AGBL4: variants seen among roughly 807,000 people sequenced by gnomAD.
AGBL4 encodes cytosolic carboxypeptidase 6.
A neutral mutation model predicts 66.4 loss-of-function variants in AGBL4; 58 were observed. That is an observed-to-expected ratio of 0.87 (90% CI 0.71 to 1.09). The LOEUF (loss-of-function observed/expected upper bound fraction) is 1.09, where lower values mean the gene tolerates loss of function less well. Ranked by LOEUF, AGBL4 falls within the 50% of genes least tolerant of loss-of-function variation. The pLI, the probability that AGBL4 is intolerant of heterozygous loss-of-function variation, is 0.00. For missense variants in AGBL4, 579 were observed against 631.0 expected, an observed-to-expected ratio of 0.92 and a Z score of 0.88; for synonymous variants, 234 against 222.9, an observed-to-expected ratio of 1.05 and a Z score of -0.44.
At chr1:48,621,066 C>G (rs1052319470) in intron 9 of AGBL4, among the ~76,000 whole-genome samples, 1 of 152,036 alleles carries the variant, frequency 6.6e-6, no homozygotes, top group South Asian at 2.1e-4. Context: ...CTTAGCTGAC[C>G]GAGAGGGATC....
rs564578319 is a variant in AGBL4, at chr1:49,299,260, C to A, written c.283-53396G>T. On this transcript the variant is annotated intron_variant, in intron 3 of 13. Transcript: ENST00000371839. The stretch of plus-strand genomic sequence containing the variant: ...AACAATTTTTCTGAAATGGATCTTA[C>A]TTTCCCCCCTGTACAGATGAGGAAA... Among the ~76,000 whole-genome samples the A allele has an allele frequency of 3.9e-5, 6 of 152,252 alleles. No individual in the cohort carries two copies. In the East Asian group the frequency reaches 1.2e-3, roughly 29 times the overall value.
At chr1:49,534,143 C>T (rs567234531) in intron 3 of AGBL4, among the ~76,000 whole-genome samples, 4 of 133,476 alleles carry the variant, frequency 3.0e-5, no homozygotes, top group Non-Finnish European at 6.1e-5. Flanking sequence ...CACAAAAGCC[C>T]CATGAAGCAG....
chr1:49,792,957 A>C (rs1170832576), intron 2 of AGBL4, among the ~76,000 whole-genome samples: 1 of 152,076 alleles, frequency 6.6e-6, no homozygotes, highest in Non-Finnish European at 1.5e-5. Context: ...TGCATTTCAT[A>C]TGGTTAGACT....
At chr1:49,074,787 A>C (rs1644678688) in intron 4 of AGBL4, among the ~76,000 whole-genome samples, 1 of 152,190 alleles carries the variant, frequency 6.6e-6, no homozygotes, top group African/African-American at 2.4e-5. Context: ...ACATCTCATT[A>C]CTAGTCTGGG....
chr1:49,031,060 C>T (rs949006278), intron 5 of AGBL4, among the ~76,000 whole-genome samples: 2 of 151,860 alleles, frequency 1.3e-5, no homozygotes, highest in Admixed American at 6.6e-5. Flanking sequence ...AAATGTATTA[C>T]ATATTTCAAA....
chr1:48,867,133 C>G, intron 6 of AGBL4, 58 bp downstream of exon 6: 1 of 1,574,542 alleles, frequency 6.4e-7, no homozygotes, highest in South Asian at 1.1e-5. Context: ...GGATAGGCAA[C>G]AAGGCATCAT....
chr1:49,569,167 A>AT (rs1190307511), intron 3 of AGBL4, among the ~76,000 whole-genome samples: 1 of 152,082 alleles, frequency 6.6e-6, no homozygotes, highest in Non-Finnish European at 1.5e-5. Context: ...TTTGAGGGAT[A>AT]TAAAAATCAA....
intron 3 of AGBL4, among the ~76,000 whole-genome samples, chr1:49,515,180 G>C (rs576334343): frequency 2.7e-4 from 41 of 151,878 alleles, no homozygotes; most frequent in East Asian, 1.4e-3. Flanking sequence ...TGAACTCAAA[G>C]AAATTTACAA....
chr1:49,127,466 A>G (rs1412482618), intron 4 of AGBL4, among the ~76,000 whole-genome samples: 2 of 152,060 alleles, frequency 1.3e-5, no homozygotes, highest in Non-Finnish European at 2.9e-5. Context: ...TAAATGGCCA[A>G]TTGGGGTCTG....
At chr1:48,909,175 G>A (rs1443841835) in intron 5 of AGBL4, among the ~76,000 whole-genome samples, 2 of 152,058 alleles carry the variant, frequency 1.3e-5, no homozygotes, top group Non-Finnish European at 2.9e-5. Context: ...GGTATCATAG[G>A]GTTGAAGATA....
chr1:48,903,208 A>C (rs1345582998), intron 5 of AGBL4, among the ~76,000 whole-genome samples: 1 of 151,934 alleles, frequency 6.6e-6, no homozygotes, highest in Non-Finnish European at 1.5e-5. Context: ...TTTCTCTTTC[A>C]TCTCTATACA....
chr1:49,655,874 C>G (rs183292136), intron 3 of AGBL4, among the ~76,000 whole-genome samples: 1 of 152,214 alleles, frequency 6.6e-6, no homozygotes, highest in East Asian at 1.9e-4. Context: ...GGGTGCTGGG[C>G]GTGGTGGCTA....
At chr1:48,717,221 C>G (rs1040220380) in intron 6 of AGBL4, among the ~76,000 whole-genome samples, 2 of 152,148 alleles carry the variant, frequency 1.3e-5, no homozygotes, top group Non-Finnish European at 2.9e-5. Flanking sequence ...ATTACTGAAG[C>G]CTCTTTTGCA....
At position 49,928,180 on chromosome 1, in the gene AGBL4, A is replaced by G. The variant is rs936092444; in HGVS notation, c.35-76662T>C. 1.2e-4 allele frequency among the ~76,000 whole-genome samples: 19 copies of G among 152,224 alleles called. 1 individual carries two copies. The highest frequency in any genetic ancestry group is 4.6e-4 in the African/African-American group (19 of 41,464). On this transcript the variant is annotated intron_variant, in intron 1 of 13. Coordinates refer to ENST00000371839, the MANE Select transcript of AGBL4 (RefSeq NM_032785.4). ...ATCTAAAAGAAAAAAGACTAAAAAC[A>G]TAAGTATCATTGAGCTGTGGGACAA...
intron 3 of AGBL4, among the ~76,000 whole-genome samples, chr1:49,658,734 C>T (rs996578234): frequency 6.6e-6 from 1 of 152,074 alleles, no homozygotes. Context: ...TGGAAATCAT[C>T]ATTCTCAGCA....
chr1:49,287,725 A>G (rs1213627291), intron 3 of AGBL4, among the ~76,000 whole-genome samples: 10 of 150,478 alleles, frequency 6.6e-5, no homozygotes, highest in African/African-American at 2.4e-4. Flanking sequence ...CAGGTGCTGG[A>G]GAGGATGTGG....
At chr1:49,553,755 G>T (rs917603341) in intron 3 of AGBL4, among the ~76,000 whole-genome samples, 1 of 152,096 alleles carries the variant, frequency 6.6e-6, no homozygotes, top group Admixed American at 6.5e-5. Context: ...AAATTGTATT[G>T]TATGTATAAT....
intron 5 of AGBL4, among the ~76,000 whole-genome samples, chr1:48,972,956 C>T (rs540746622): frequency 6.6e-6 from 1 of 152,100 alleles, no homozygotes; most frequent in African/African-American, 2.4e-5. Context: ...TTACCAGGCT[C>T]ATATAGATCA....
intron 5 of AGBL4, among the ~76,000 whole-genome samples, chr1:48,936,449 G>T (rs1235758402): frequency 6.6e-6 from 1 of 152,156 alleles, no homozygotes; most frequent in East Asian, 1.9e-4. Context: ...AAAGAGACAT[G>T]AAAAGCCAGT....
Sources: gnomAD v4.1 joint callset for allele counts (sites outside exome capture counted in the v4.1 genomes callset) on GRCh38, gnomAD v4.1.1 for gene constraint, MANE v1.5 for transcripts, NCBI Gene and HGNC (gene_info 2026-07-23, HGNC 2026-07-21) for gene names.